Variants in GOLT1B observed in about 807,000 individuals in gnomAD.
GOLT1B encodes the protein vesicle transport protein GOT1B.
GOLT1B carries 3 observed loss-of-function variants against 15.4 expected under a neutral mutation model. That is an observed-to-expected ratio of 0.19 (90% CI 0.09 to 0.50). The LOEUF (loss-of-function observed/expected upper bound fraction) is 0.50, where lower values mean the gene tolerates loss of function less well. Ranked by LOEUF, GOLT1B falls within the 20% of genes least tolerant of loss-of-function variation. GOLT1B has a pLI of 0.97. For missense variants in GOLT1B, 145 were observed against 160.4 expected (o/e 0.90, Z 0.52); for synonymous variants, 65 against 56.2 (o/e 1.16, Z -0.70).
chr12:21,508,833 T>C (rs1253264853), intron 3 of GOLT1B, among the ~76,000 whole-genome samples: 2 of 152,154 alleles, frequency 1.3e-5, no homozygotes, highest in African/African-American at 4.8e-5. Context: ...TGGATATTTG[T>C]ATCAACTAAA....
intron 3 of GOLT1B, among the ~76,000 whole-genome samples, chr12:21,509,419 A>C (rs1233249422): frequency 1.3e-5 from 2 of 151,170 alleles, no homozygotes; most frequent in East Asian, 3.9e-4. Context: ...AAAAAAAAAA[A>C]AAAAACAGAA....
chr12:21,502,664 C>T (rs1943643074), intron 1 of GOLT1B, among the ~76,000 whole-genome samples: 1 of 152,118 alleles, frequency 6.6e-6, no homozygotes, highest in Non-Finnish European at 1.5e-5. Context: ...TTCTCCAGGC[C>T]TATTTCATCT....
rs750581064 is a variant in GOLT1B, at chr12:21,508,466, T to C, written c.201T>C (p.Ala67=). The change falls in exon 3 of 5, where the codon GCT becomes GCC. Residue 67 remains alanine, a synonymous_variant. Transcript: ENST00000229314. ...RFFFQKHKMK[A]TGFFLGGVFV... is the part of the protein sequence containing the mutation. ...TCTTCCAAAAACATAAAATGAAAGC[T>C]ACAGGTTTTTTTCTGGGTGGTGTAT... 17 of 1,591,908 alleles carry C rather than the reference T, an allele frequency of 1.1e-5. No homozygotes were observed. The East Asian group carries it at 2.7e-4, about 25-fold the overall frequency.
intron 1 of GOLT1B, among the ~76,000 whole-genome samples, chr12:21,503,755 G>T (rs943175629): frequency 6.6e-6 from 1 of 152,220 alleles, no homozygotes; most frequent in Non-Finnish European, 1.5e-5. Flanking sequence ...CATCATTCAA[G>T]TGATTTGTCA....
chr12:21,508,117 C>G (rs1394394758), intron 2 of GOLT1B: 3 of 423,396 alleles, frequency 7.1e-6, no homozygotes, highest in Non-Finnish European at 1.3e-5. Flanking sequence ...TTGGTAACGT[C>G]TAATCTTTCT....
At chr12:21,515,328 T>C in intron 4 of GOLT1B, 2 of 786,932 alleles carry the variant, frequency 2.5e-6, no homozygotes, top group Non-Finnish European at 4.1e-6. Context: ...ATTTCAGTTT[T>C]TTTTATGTTT....
intron 1 of GOLT1B, 21 bp downstream of exon 1, chr12:21,501,969 C>A (rs781003186): frequency 3.2e-5 from 51 of 1,587,518 alleles, no homozygotes; most frequent in Non-Finnish European, 4.0e-5. Context: ...GCTCCGGGGC[C>A]CCCGCCTCGA....
chr12:21,503,019 C>CA (rs1470309218), intron 1 of GOLT1B, among the ~76,000 whole-genome samples: 1 of 152,220 alleles, frequency 6.6e-6, no homozygotes, highest in Non-Finnish European at 1.5e-5. Flanking sequence ...CTCCTACACA[C>CA]ACTGCCACCC....
intron 2 of GOLT1B, chr12:21,508,026 A>G: frequency 1.1e-5 from 5 of 442,544 alleles, no homozygotes; most frequent in South Asian, 8.3e-5. Flanking sequence ...TTTCCTCTTT[A>G]TGCCTTGCCA....
At chr12:21,512,257 T>C (rs1380730834) in intron 3 of GOLT1B, 38 bp from the exon 4 acceptor site, 1 of 966,948 alleles carries the variant, frequency 1.0e-6, no homozygotes, top group South Asian at 1.4e-5. Flanking sequence ...AAATAGAAAA[T>C]GTGTAAATAT....
intron 4 of GOLT1B, among the ~76,000 whole-genome samples, chr12:21,513,166 C>A (rs1943732425): frequency 1.3e-5 from 2 of 151,214 alleles, no homozygotes; most frequent in South Asian, 4.2e-4. Context: ...ACAGTTTGAA[C>A]AAGCTTGTCA....
At chr12:21,514,090 A>G (rs1338995768) in intron 4 of GOLT1B, among the ~76,000 whole-genome samples, 4 of 152,192 alleles carry the variant, frequency 2.6e-5, no homozygotes, top group Admixed American at 2.6e-4. Context: ...TTCTAAAAGA[A>G]TCTAGGTGAT....
At chr12:21,504,509 G>T (rs1488635798) in intron 1 of GOLT1B, 3 of 482,366 alleles carry the variant, frequency 6.2e-6, no homozygotes, top group African/African-American at 3.9e-5. Context: ...GAATATTTTG[G>T]TTCCCATGTT....
chr12:21,511,283 A>G (rs1943717395), intron 3 of GOLT1B, among the ~76,000 whole-genome samples: 1 of 152,224 alleles, frequency 6.6e-6, no homozygotes, highest in Non-Finnish European at 1.5e-5. Context: ...CAAAGGATAC[A>G]AATAAAGAGA....
At chr12:21,507,206 A>G in intron 2 of GOLT1B, 1 of 505,420 alleles carries the variant, frequency 2.0e-6, no homozygotes, top group Non-Finnish European at 3.6e-6. Context: ...AGTGTTTGTC[A>G]TGAGATTTAC....
At chr12:21,504,857 C>A (rs1005014786) in intron 1 of GOLT1B, among the ~76,000 whole-genome samples, 1 of 152,168 alleles carries the variant, frequency 6.6e-6, no homozygotes, top group Non-Finnish European at 1.5e-5. Flanking sequence ...TAATATTAAA[C>A]TTGAATCCCC....
Position 21,501,895 on chromosome 12 carries a change from C to T in GOLT1B, c.-29C>T, listed in dbSNP as rs749470902. On this transcript the variant is annotated 5_prime_UTR_variant, in exon 1 of 5. Coordinates refer to ENST00000229314, the MANE Select transcript of GOLT1B (RefSeq NM_016072.5). ...TTCCCACCCTGGGCTTTCCGAGGTG[C>T]TGTCGCCGCTGTCCCCACCACTGCA... The T allele has an allele frequency of 1.2e-5, 19 of 1,568,602 alleles. No homozygotes were observed. Among genetic ancestry groups the T allele is most frequent in the Non-Finnish European group, 1.7e-5 (19 of 1,138,806 alleles).
chr12:21,507,514 A>ATGTATGTG (rs1943687575), intron 2 of GOLT1B, among the ~76,000 whole-genome samples: 1 of 147,592 alleles, frequency 6.8e-6, no homozygotes, highest in Non-Finnish European at 1.5e-5. Context: ...AAGACACTGT[A>ATGTATGTG]TGTGTGTGTG....
chr12:21,504,015 T>G (rs772490709), intron 1 of GOLT1B, among the ~76,000 whole-genome samples: 21 of 152,240 alleles, frequency 1.4e-4, no homozygotes, highest in Non-Finnish European at 2.9e-4. Flanking sequence ...CTTGCTTGAC[T>G]TCTGTTTTTC....
Sources: allele counts gnomAD v4.1 joint callset (sites outside exome capture counted in the v4.1 genomes callset), GRCh38; gene constraint gnomAD v4.1.1; transcripts MANE v1.5; gene names NCBI Gene and HGNC (gene_info 2026-07-23, HGNC 2026-07-21).